ABCA8: variants seen among roughly 807,000 people sequenced by gnomAD.
ABCA8 encodes the protein ABC-type organic anion transporter ABCA8.
ABCA8 carries 177 observed loss-of-function variants against 192.3 expected under a neutral mutation model. That is an observed-to-expected ratio of 0.92 (90% confidence interval 0.81 to 1.04). ABCA8 has a LOEUF of 1.04. ABCA8 is among the 50% of genes least tolerant of loss of function. The pLI is 0.00. For missense variants in ABCA8, 1,915 were observed against 1,904.8 expected, an observed-to-expected ratio of 1.01 and a Z score of -0.10; for synonymous variants, 642 against 690.2, an observed-to-expected ratio of 0.93 and a Z score of 1.09.
At chr17:68,918,930 CAAAAAAAAAAAAA>C (rs34377045) in intron 14 of ABCA8, among the ~76,000 whole-genome samples, 22 of 45,952 alleles carry the variant, frequency 4.8e-4, no homozygotes, top group African/African-American at 1.5e-3. Flanking sequence ...AACTCTGTCT[CAAAAAAAAAAAAA>C]AAAAAAAAAA....
At chr17:68,943,726 A>G (rs527547210) in intron 2 of ABCA8, among the ~76,000 whole-genome samples, 58 of 152,308 alleles carry the variant, frequency 3.8e-4, no homozygotes, top group Non-Finnish European at 7.5e-4. Flanking sequence ...GCTACTATAA[A>G]AGCAGGTAGG....
At chr17:68,892,967 G>A (rs1374367802) in intron 23 of ABCA8, among the ~76,000 whole-genome samples, 1 of 152,056 alleles carries the variant, frequency 6.6e-6, no homozygotes, top group Non-Finnish European at 1.5e-5. Context: ...CTATGATCCT[G>A]CCACTGCACT....
Position 68,924,774 on chromosome 17 carries a change from T to C in ABCA8, c.1369A>G (p.Met457Val). Residue 457 changes from methionine (M) to valine (V), a missense_variant, in exon 11 of 40, where the codon ATG becomes GTG. By Grantham distance (21) the Met-to-Val change is conservative. Transcript: ENST00000586539. ...TCATGAAATGAAGGATCGGCATCCATTTCATCTTCAAGGGCCACGTGATCA... is the reference window on the plus strand; with the variant it reads ...TCATGAAATGAAGGATCGGCATCCACTTCATCTTCAAGGGCCACGTGATCA... ...KTDHVALEDEMDADPSFHDSF... is the reference protein window; with the variant it reads ...KTDHVALEDEVDADPSFHDSF... 5.6e-6 allele frequency: 9 copies of C among 1,614,136 alleles called. No homozygotes were observed. The highest frequency in any genetic ancestry group is 7.6e-6 in the Non-Finnish European group (9 of 1,179,988).
At chr17:68,891,401 A>T (rs2066617707) in intron 24 of ABCA8, 88 bp downstream of exon 24, 1 of 855,958 alleles carries the variant, frequency 1.2e-6, no homozygotes, top group Admixed American at 2.4e-5. Context: ...TCAATTAAGC[A>T]TGTAGAAATA....
intron 6 of ABCA8, among the ~76,000 whole-genome samples, chr17:68,932,816 C>T (rs1296624177): frequency 6.6e-6 from 1 of 152,192 alleles, no homozygotes; most frequent in African/African-American, 2.4e-5. Flanking sequence ...TCATCTCAAG[C>T]TTCAAGCTGG....
intron 30 of ABCA8, 66 bp downstream of exon 30, chr17:68,882,533 C>T (rs2066360814): frequency 6.9e-7 from 1 of 1,439,332 alleles, no homozygotes; most frequent in Admixed American, 2.2e-5. Flanking sequence ...AACAGAGAAA[C>T]TCAAAATCAT....
intron 21 of ABCA8, among the ~76,000 whole-genome samples, chr17:68,899,182 A>G (rs1266827942): frequency 2.6e-5 from 4 of 152,098 alleles, no homozygotes; most frequent in Admixed American, 2.6e-4. Flanking sequence ...GGAACAAAAA[A>G]GACATGAGAC....
chr17:68,918,378 G>A, intron 15 of ABCA8, 49 bp downstream of exon 15: 1 of 1,535,728 alleles, frequency 6.5e-7, no homozygotes, highest in Non-Finnish European at 8.7e-7. Context: ...ATTACCAAAA[G>A]TTCCATTTTT....
rs759988499 is a variant in ABCA8 at position 68,877,652 on chromosome 17, C to A, written c.4066G>T (p.Asp1356Tyr). The change falls in exon 33 of 40, where the codon GAT becomes TAT. Residue 1356 changes from aspartate (D) to tyrosine (Y), a missense_variant. Coordinates refer to ENST00000586539, the MANE Select transcript of ABCA8 (RefSeq NM_001288985.2). ...QVLLKGSGGG[D>Y]ALEFLGYCPQ... Reference sequence around the variant, plus strand: ...CAGTACCCCAGGAACTCCAGGGCATCCCCTCCACCGCTCCCTTTCAGTAGC... The same window carrying A: ...CAGTACCCCAGGAACTCCAGGGCATACCCTCCACCGCTCCCTTTCAGTAGC... 1 of 1,613,068 alleles carries A rather than the reference C, an allele frequency of 6.2e-7. No homozygotes were observed. Among genetic ancestry groups the A allele is most frequent in the Non-Finnish European group, 8.5e-7 (1 of 1,179,392 alleles).
At position 68,940,824 on chromosome 17, in the gene ABCA8, A is replaced by G. The variant is rs750398561; in HGVS notation, c.235T>C (p.Tyr79His). 3 of 1,613,672 alleles carry G rather than the reference A, an allele frequency of 1.9e-6. No individual in the cohort carries two copies. The highest frequency in any genetic ancestry group is 2.5e-6 in the Non-Finnish European group (3 of 1,179,636). Reference protein sequence around the residue: ...TFNESRFSVVYTPVTNTTQQI... With the variant: ...TFNESRFSVVHTPVTNTTQQI... ...TGGGTCGTGTTGGTGACAGGTGTGT[A>G]TACAACAGAAAATCTGGATTCATTA... The change falls in exon 4 of 40, where the codon TAC becomes CAC. Residue 79 changes from tyrosine to histidine, a missense_variant. Coordinates refer to ENST00000586539, the MANE Select transcript of ABCA8 (RefSeq NM_001288985.2).
intron 37 of ABCA8, among the ~76,000 whole-genome samples, chr17:68,871,377 C>A (rs1401620674): frequency 6.6e-6 from 1 of 152,112 alleles, no homozygotes; most frequent in African/African-American, 2.4e-5. Flanking sequence ...CCTTTTAATA[C>A]CATCAAAATG....
chr17:68,918,653 G>T, intron 14 of ABCA8, 107 bp from the exon 15 acceptor site: 1 of 1,146,174 alleles, frequency 8.7e-7, no homozygotes, highest in Non-Finnish European at 1.2e-6. Context: ...CAAACACTGG[G>T]TCAGGCGCGG....
At chr17:68,883,134 G>T (rs897523947) in intron 29 of ABCA8, among the ~76,000 whole-genome samples, 3 of 152,102 alleles carry the variant, frequency 2.0e-5, no homozygotes, top group Admixed American at 2.0e-4. Flanking sequence ...TCCATTCTAA[G>T]TCTGATAATA....
chr17:68,935,084 CTTT>C (rs546921061), intron 5 of ABCA8, among the ~76,000 whole-genome samples: 3 of 132,100 alleles, frequency 2.3e-5, no homozygotes, highest in Admixed American at 7.6e-5. Context: ...ACTTTATCAC[CTTT>C]TTTTTTTTTT....
chr17:68,881,672 T>C (rs1163625430), intron 31 of ABCA8, among the ~76,000 whole-genome samples, 191 bp downstream of exon 31: 1 of 152,262 alleles, frequency 6.6e-6, no homozygotes, highest in East Asian at 1.9e-4. Context: ...TAGTTGTAGA[T>C]GTGACTAGGC....
At chr17:68,882,565 T>G in intron 30 of ABCA8, 34 bp downstream of exon 30, 1 of 1,581,988 alleles carries the variant, frequency 6.3e-7, no homozygotes, top group Non-Finnish European at 8.6e-7. Context: ...ACTGGTAGAC[T>G]GACTAATAAA....
At chr17:68,931,568 C>T (rs768037355) in intron 7 of ABCA8, among the ~76,000 whole-genome samples, 1 of 151,872 alleles carries the variant, frequency 6.6e-6, no homozygotes, top group Non-Finnish European at 1.5e-5. Context: ...CAATATTATT[C>T]GTAATGGAAG....
chr17:68,902,553 T>C (rs905997364), intron 21 of ABCA8, among the ~76,000 whole-genome samples, 160 bp downstream of exon 21: 1 of 152,256 alleles, frequency 6.6e-6, no homozygotes, highest in Non-Finnish European at 1.5e-5. Context: ...TACCTATTCC[T>C]GCTTCTTTGG....
Position 68,876,505 on chromosome 17 carries a change from T to C in ABCA8, c.4325A>G (p.Asp1442Gly), listed in dbSNP as rs771230510. ...GGGGTCCATCCCGGTCGACGGCTCA[T>C]CCAGAAGCACCACTGACGGGTTCCC... is the stretch of plus-strand genomic sequence containing the variant. ...ILGNPSVVLL[D>G]EPSTGMDPEG... Residue 1442 changes from aspartate to glycine, a missense_variant, in exon 35 of 40, where the codon GAT becomes GGT. Transcript: ENST00000586539. The C allele has an allele frequency of 3.7e-6, 6 of 1,613,976 alleles. No homozygotes were observed. The Admixed American group carries it at 1.0e-4, about 27-fold the overall frequency.
Sources: gnomAD v4.1 joint callset for allele counts (sites outside exome capture counted in the v4.1 genomes callset) on GRCh38, gnomAD v4.1.1 for gene constraint, MANE v1.5 for transcripts, NCBI Gene and HGNC (gene_info 2026-07-23, HGNC 2026-07-21) for gene names.